TBC1D32: variants seen among roughly 807,000 people sequenced by gnomAD.
TBC1D32 encodes the protein protein broad-minded.
Under a neutral mutation model 170.3 loss-of-function variants are expected in TBC1D32, and 151 were observed. The ratio of observed to expected loss-of-function variants is 0.89; its 90% CI spans 0.78 to 1.01. TBC1D32 has a LOEUF of 1.01. Ranked by LOEUF, TBC1D32 falls within the 50% of genes least tolerant of loss-of-function variation. The pLI is 0.00. For missense variants in TBC1D32, 1,464 were observed against 1,457.1 expected (o/e 1.00, Z -0.08); for synonymous variants, 498 against 488.0 (o/e 1.02, Z -0.27).
intron 5 of TBC1D32, among the ~76,000 whole-genome samples, chr6:121,306,022 T>C (rs1386964840): frequency 6.6e-6 from 1 of 152,184 alleles, no homozygotes; most frequent in Non-Finnish European, 1.5e-5. Flanking sequence ...CCTATTCTGC[T>C]ACTATTCTGT....
intron 12 of TBC1D32, among the ~76,000 whole-genome samples, chr6:121,286,057 T>A (rs550413200): frequency 2.0e-4 from 31 of 152,094 alleles, no homozygotes; most frequent in African/African-American, 7.2e-4. Context: ...GGAGAAAAAC[T>A]GGAAACTCTA....
chr6:121,106,016 G>A lies in TBC1D32; in HGVS notation c.3465+7C>T. ...AGTTGGAGAAATGCTACTCCCTTAT[G>A]GATTACCTGTGATGGTGCAAAACCA... On this transcript the variant is annotated splice_region_variant and intron_variant, in intron 30 of 31. Transcript: ENST00000398212. 1.3e-6 allele frequency: 2 copies of A among 1,597,326 alleles called. No individual in the cohort carries two copies. Among genetic ancestry groups the A allele is most frequent in the Non-Finnish European group, 1.7e-6 (2 of 1,169,198 alleles).
intron 12 of TBC1D32, 103 bp from the exon 13 acceptor site, chr6:121,284,013 C>T: frequency 1.2e-6 from 1 of 813,180 alleles, no homozygotes; most frequent in Admixed American, 2.6e-5. Context: ...AGGTTTTGTA[C>T]AGACTACGAG....
chr6:121,279,443 T>A (rs1198640721), intron 14 of TBC1D32, among the ~76,000 whole-genome samples, 198 bp from the exon 15 acceptor site: 1 of 152,040 alleles, frequency 6.6e-6, no homozygotes, highest in Non-Finnish European at 1.5e-5. Context: ...CCAGCCCAAC[T>A]GATGAAGCAA....
chr6:121,304,452 CA>C, intron 7 of TBC1D32, 26 bp from the exon 8 acceptor site: 1 of 1,606,852 alleles, frequency 6.2e-7, no homozygotes, highest in Non-Finnish European at 8.5e-7. Flanking sequence ...CAATAGTTCT[CA>C]AAAAATTAGC....
chr6:121,210,457 T>C (rs1583227381), intron 21 of TBC1D32, among the ~76,000 whole-genome samples: 1 of 152,186 alleles, frequency 6.6e-6, no homozygotes, highest in East Asian at 1.9e-4. Context: ...AATGGAAATC[T>C]AGCAACAAGA....
chr6:121,318,199 G>A (rs1368072172), intron 2 of TBC1D32, among the ~76,000 whole-genome samples: 2 of 152,012 alleles, frequency 1.3e-5, no homozygotes, highest in Non-Finnish European at 2.9e-5. Context: ...AGCTATCAAC[G>A]TGTCCTTTCA....
chr6:121,196,842 A>G (rs1223765402), intron 22 of TBC1D32, among the ~76,000 whole-genome samples: 3 of 152,200 alleles, frequency 2.0e-5, no homozygotes, highest in East Asian at 1.9e-4. Context: ...TGTTTTTGCC[A>G]TAGCCAGGAT....
At chr6:121,328,169 CATGGGTTACA>C (rs967673125) in intron 1 of TBC1D32, among the ~76,000 whole-genome samples, 1 of 152,098 alleles carries the variant, frequency 6.6e-6, no homozygotes, top group Non-Finnish European at 1.5e-5. Flanking sequence ...CTTTGACTGA[CATGGGTTACA>C]ATAAATACAA....
chr6:121,181,952 T>C (rs1788572955), intron 22 of TBC1D32, among the ~76,000 whole-genome samples: 1 of 152,048 alleles, frequency 6.6e-6, no homozygotes, highest in Non-Finnish European at 1.5e-5. Flanking sequence ...AGTAAAATGG[T>C]GGTTCACAAT....
intron 22 of TBC1D32, among the ~76,000 whole-genome samples, chr6:121,182,166 G>A (rs1282441550): frequency 1.3e-5 from 2 of 151,978 alleles, no homozygotes; most frequent in Non-Finnish European, 2.9e-5. Flanking sequence ...CCATTAGAGG[G>A]AAGGGACAGA....
chr6:121,278,045 C>T, intron 15 of TBC1D32, among the ~76,000 whole-genome samples: 1 of 151,998 alleles, frequency 6.6e-6, no homozygotes, highest in Non-Finnish European at 1.5e-5. Flanking sequence ...ACATATTTTG[C>T]CAACATTCAC....
In TBC1D32 at chr6:121,321,696, C is replaced by A; in HGVS notation, c.254G>T (p.Gly85Val). ...MEKCTSDRNQ[G>V]EECGYDTVVQ... ...AACTGTATCATAGCCGCATTCTTCA[C>A]CCTGATTCCGATCAGATGTGCATTT... The change falls in exon 2 of 32, where the codon GGT becomes GTT. Residue 85 changes from glycine (G) to valine (V), a missense_variant. Gly to Val is a moderately radical substitution (Grantham distance 109, BLOSUM62 -3). This residue lies in a region of TBC1D32 where 1,363 missense variants were observed against 1,338.1 expected (regional missense o/e 1.02). Transcript: ENST00000398212. 5 of 1,614,064 alleles carry A rather than the reference C, an allele frequency of 3.1e-6. No homozygotes were observed. Among genetic ancestry groups the A allele is most frequent in the Non-Finnish European group, 4.2e-6 (5 of 1,179,984 alleles).
At chr6:121,253,835 T>C (rs988550401) in intron 17 of TBC1D32, among the ~76,000 whole-genome samples, 14 of 152,244 alleles carry the variant, frequency 9.2e-5, no homozygotes, top group African/African-American at 3.4e-4. Context: ...GGAGATTCCT[T>C]AAAGAACTAA....
chr6:121,175,919 T>C (rs1206614962), intron 22 of TBC1D32, among the ~76,000 whole-genome samples: 2 of 152,184 alleles, frequency 1.3e-5, no homozygotes, highest in Non-Finnish European at 2.9e-5. Context: ...AATAAAACTG[T>C]TTGTGAATCC....
intron 21 of TBC1D32, among the ~76,000 whole-genome samples, chr6:121,211,983 T>C (rs938312384): frequency 5.8e-5 from 7 of 120,148 alleles, no homozygotes; most frequent in Admixed American, 8.7e-5. Context: ...AATAAATGAA[T>C]GAACAAACAC....
chr6:121,266,726 C>T (rs1212492104), intron 15 of TBC1D32, among the ~76,000 whole-genome samples: 1 of 152,086 alleles, frequency 6.6e-6, no homozygotes. Context: ...GAATACTATG[C>T]AGCCATAAAA....
chr6:121,162,265 GC>G, intron 22 of TBC1D32, among the ~76,000 whole-genome samples: 1 of 152,196 alleles, frequency 6.6e-6, no homozygotes, highest in South Asian at 2.1e-4. Flanking sequence ...TGAAATCTTT[GC>G]CCATGACTAT....
At chr6:121,305,785 T>A (rs1022003587) in intron 5 of TBC1D32, among the ~76,000 whole-genome samples, 3 of 152,008 alleles carry the variant, frequency 2.0e-5, no homozygotes, top group African/African-American at 7.2e-5. Flanking sequence ...AGAAATAGAA[T>A]TGAACTCAAA....
Sources: gnomAD v4.1 joint callset for allele counts (sites outside exome capture counted in the v4.1 genomes callset) on GRCh38, gnomAD v4.1.1 for gene constraint, gnomAD v4.1.1 regional missense constraint, MANE v1.5 for transcripts, NCBI Gene and HGNC (gene_info 2026-07-23, HGNC 2026-07-21) for gene names.